Variants in ITGB6 observed in about 807,000 individuals in gnomAD.
ITGB6 encodes integrin beta-6.
In ITGB6, 80 loss-of-function variants were observed where a neutral mutation model predicts 84.5. The ratio of observed to expected loss-of-function variants is 0.95; its 90% CI spans 0.79 to 1.14. The LOEUF (loss-of-function observed/expected upper bound fraction) is 1.14, where lower values mean the gene tolerates loss of function less well. Ranked by LOEUF, ITGB6 falls within the 50% of genes most tolerant of loss-of-function variation. ITGB6 has a pLI of 0.00. For missense variants in ITGB6, 1,006 were observed against 968.0 expected (o/e 1.04, Z -0.52); for synonymous variants, 383 against 354.9 (o/e 1.08, Z -0.89).
At chr2:160,116,356 T>C (rs1682768468) in intron 12 of ITGB6, among the ~76,000 whole-genome samples, 1 of 149,428 alleles carries the variant, frequency 6.7e-6, no homozygotes, top group African/African-American at 2.5e-5. Context: ...GGGGCCAATA[T>C]TGAACATTCT....
intron 6 of ITGB6, among the ~76,000 whole-genome samples, chr2:160,171,419 G>C (rs1432856361): frequency 1.3e-5 from 2 of 148,564 alleles, no homozygotes; most frequent in Admixed American, 1.4e-4. Flanking sequence ...ACTGCAAGCT[G>C]CGCCTCCTGG....
chr2:160,155,745 G>A (rs1418785183), intron 7 of ITGB6, among the ~76,000 whole-genome samples: 1 of 152,162 alleles, frequency 6.6e-6, no homozygotes, highest in Non-Finnish European at 1.5e-5. Context: ...CATGGTGCCA[G>A]AATATCTAAA....
chr2:160,198,247 G>A (rs1266557085), intron 2 of ITGB6, among the ~76,000 whole-genome samples: 1 of 152,158 alleles, frequency 6.6e-6, no homozygotes, highest in African/African-American at 2.4e-5. Context: ...GTTGGTCAAG[G>A]CCGTAGTAAG....
intron 5 of ITGB6, 59 bp from the exon 6 acceptor site, chr2:160,172,789 TG>T: frequency 1.5e-6 from 2 of 1,358,256 alleles, no homozygotes; most frequent in Non-Finnish European, 2.1e-6. Context: ...TTATTGAGTG[TG>T]GATCAATTAT....
chr2:160,178,821 C>T (rs1020657182), intron 4 of ITGB6: 1 of 151,986 alleles, frequency 6.6e-6, no homozygotes, highest in Non-Finnish European at 1.5e-5. Flanking sequence ...CTCAGCCTCC[C>T]AAGTAGCTGG....
chr2:160,153,751 A>AC (rs1406560227), intron 7 of ITGB6, among the ~76,000 whole-genome samples: 1 of 151,188 alleles, frequency 6.6e-6, no homozygotes, highest in Admixed American at 6.6e-5. Flanking sequence ...AGAAAAAAAA[A>AC]CCCATCAACA....
chr2:160,177,991 C>G (rs1685498724), intron 4 of ITGB6, among the ~76,000 whole-genome samples: 1 of 152,208 alleles, frequency 6.6e-6, no homozygotes, highest in Non-Finnish European at 1.5e-5. Context: ...TCTCCTGCCT[C>G]AGCCTCCCAA....
intron 4 of ITGB6, among the ~76,000 whole-genome samples, chr2:160,187,371 T>C (rs1032513870): frequency 6.6e-6 from 1 of 152,208 alleles, no homozygotes; most frequent in African/African-American, 2.4e-5. Context: ...CATTCACTGA[T>C]GTTTCAGATT....
At chr2:160,144,561 C>T (rs1574082625) in intron 7 of ITGB6, among the ~76,000 whole-genome samples, 1 of 152,296 alleles carries the variant, frequency 6.6e-6, no homozygotes, top group African/African-American at 2.4e-5. Flanking sequence ...GAACCTTTCG[C>T]GCTTGACAAA....
chr2:160,123,913 T>A, intron 11 of ITGB6, 25 bp from the exon 12 acceptor site: 2 of 1,547,318 alleles, frequency 1.3e-6, no homozygotes, highest in Non-Finnish European at 1.8e-6. Flanking sequence ...CAACAGTGTA[T>A]CAGTTCATGC....
intron 9 of ITGB6, 37 bp from the exon 10 acceptor site, chr2:160,137,888 C>T: frequency 6.3e-7 from 1 of 1,595,906 alleles, no homozygotes; most frequent in Non-Finnish European, 8.6e-7. Flanking sequence ...CCTCCATCCA[C>T]CAAAATGCAC....
At chr2:160,194,046 A>G (rs1419031204) in intron 4 of ITGB6, among the ~76,000 whole-genome samples, 1 of 152,094 alleles carries the variant, frequency 6.6e-6, no homozygotes, top group Non-Finnish European at 1.5e-5. Flanking sequence ...AATCTCAGCT[A>G]CTCGGGAGGC....
intron 7 of ITGB6, among the ~76,000 whole-genome samples, chr2:160,157,928 G>T (rs1176005669): frequency 6.6e-6 from 1 of 152,032 alleles, no homozygotes; most frequent in Non-Finnish European, 1.5e-5. Context: ...TTCCCGTGAG[G>T]TCTTTCATTC....
At chr2:160,131,336 G>T (rs962841612) in intron 10 of ITGB6, among the ~76,000 whole-genome samples, 1 of 152,160 alleles carries the variant, frequency 6.6e-6, no homozygotes, top group Non-Finnish European at 1.5e-5. Flanking sequence ...ATCTTTGAGT[G>T]CTTACAGATG....
chr2:160,128,614 A>C (rs1457237), intron 10 of ITGB6, among the ~76,000 whole-genome samples: 101,536 of 151,852 alleles, frequency 0.67, 34,316 homozygotes, highest in Admixed American at 0.74. Context: ...TATATTCGGG[A>C]ATGGAATGCT....
At chr2:160,140,560 A>G (rs1273494302) in intron 8 of ITGB6, among the ~76,000 whole-genome samples, 1 of 152,180 alleles carries the variant, frequency 6.6e-6, no homozygotes, top group Non-Finnish European at 1.5e-5. Context: ...ACAGTGAAGG[A>G]TTGCTGTGTG....
chr2:160,173,368 T>C (rs1167040766), intron 5 of ITGB6, among the ~76,000 whole-genome samples: 1 of 152,212 alleles, frequency 6.6e-6, no homozygotes, highest in Non-Finnish European at 1.5e-5. Flanking sequence ...CCATCCCACC[T>C]TATCCCTTTC....
rs774903836 is a variant in ITGB6, at chr2:160,200,016, A to G, written c.48T>C (p.Asn16=). The change falls in exon 1 of 15, where the codon AAT becomes AAC. Residue 16 remains asparagine, a synonymous_variant. Transcript: ENST00000283249. ...LCLFFLFLGR[N]DHVQGGCALG... ...CGCAGGTCTTACCTTGTACGTGATC[A>G]TTCCTTCCTAGAAATAGAAAGAACA... is the stretch of plus-strand genomic sequence containing the variant. The G allele has an allele frequency of 3.1e-6, 5 of 1,613,684 alleles. No individual in the cohort carries two copies. The highest frequency in any genetic ancestry group is 4.2e-6 in the Non-Finnish European group (5 of 1,179,624).
At chr2:160,128,233 G>A (rs1162700362) in intron 10 of ITGB6, among the ~76,000 whole-genome samples, 2 of 150,256 alleles carry the variant, frequency 1.3e-5, no homozygotes, top group Non-Finnish European at 1.5e-5. Flanking sequence ...TCCAAAGGAA[G>A]TAATGCTTGA....
Sources: allele counts gnomAD v4.1 joint callset (sites outside exome capture counted in the v4.1 genomes callset), GRCh38; gene constraint gnomAD v4.1.1; transcripts MANE v1.5; gene names NCBI Gene and HGNC (gene_info 2026-07-23, HGNC 2026-07-21).